Variants in DPP6 observed in about 807,000 individuals in gnomAD.
DPP6 encodes A-type potassium channel modulatory protein DPP6.
Under a neutral mutation model 122.6 loss-of-function variants are expected in DPP6, and 69 were observed. That is an observed-to-expected ratio of 0.56 (90% CI 0.46 to 0.69). The LOEUF (loss-of-function observed/expected upper bound fraction) is 0.69, where lower values mean the gene tolerates loss of function less well. Ranked by LOEUF, DPP6 falls within the 30% of genes least tolerant of loss-of-function variation. DPP6 has a pLI of 0.00. For missense variants in DPP6, 928 were observed against 1,116.9 expected (o/e 0.83, Z 2.41); for synonymous variants, 418 against 433.1 (o/e 0.97, Z 0.43).
chr7:154,352,280 A>T (rs1810925349), intron 1 of DPP6, among the ~76,000 whole-genome samples: 3 of 151,958 alleles, frequency 2.0e-5, no homozygotes, highest in African/African-American at 7.2e-5. Flanking sequence ...TGGCTAACAC[A>T]GTGAGACATC....
intron 17 of DPP6, among the ~76,000 whole-genome samples, chr7:154,855,961 C>T (rs1287788315): frequency 1.3e-5 from 2 of 152,032 alleles, no homozygotes; most frequent in Non-Finnish European, 2.9e-5. Context: ...ATAAGGTGTC[C>T]AATGGAGCTC....
chr7:153,848,110 C>T, the DPP6 span, among the ~76,000 whole-genome samples: 1 of 152,222 alleles, frequency 6.6e-6, no homozygotes, highest in Non-Finnish European at 1.5e-5. Context: ...GCCACTCAGA[C>T]ATCAAGGATG....
intron 8 of DPP6, among the ~76,000 whole-genome samples, chr7:154,733,475 ATC>A (rs1350540818): frequency 1.3e-5 from 2 of 152,236 alleles, no homozygotes; most frequent in Non-Finnish European, 2.9e-5. Context: ...TTCTCAAAGC[ATC>A]TTTAAAGAGT....
At chr7:154,740,992 G>A (rs1340289360) in intron 8 of DPP6, among the ~76,000 whole-genome samples, 1 of 152,158 alleles carries the variant, frequency 6.6e-6, no homozygotes, top group African/African-American at 2.4e-5. Context: ...TCTTTGGGAA[G>A]GTGTAAGGGA....
intron 1 of DPP6, among the ~76,000 whole-genome samples, chr7:154,397,580 C>T (rs1235752614): frequency 6.6e-6 from 1 of 152,116 alleles, no homozygotes; most frequent in African/African-American, 2.4e-5. Context: ...GTGAATGACC[C>T]ACAATAAATC....
intron 5 of DPP6, among the ~76,000 whole-genome samples, chr7:154,586,461 G>T (rs1244917161): frequency 1.3e-5 from 2 of 152,054 alleles, no homozygotes; most frequent in African/African-American, 4.8e-5. Context: ...GGAGAAATTT[G>T]CTGGAGGGCC....
intron 1 of DPP6, among the ~76,000 whole-genome samples, chr7:154,075,488 T>G (rs1396775323): frequency 6.6e-6 from 1 of 152,182 alleles, no homozygotes; most frequent in Non-Finnish European, 1.5e-5. Flanking sequence ...AAGAAATGAA[T>G]GAAATAATGG....
the DPP6 span, among the ~76,000 whole-genome samples, chr7:153,759,969 G>GTC: frequency 6.8e-6 from 1 of 146,846 alleles, no homozygotes; most frequent in African/African-American, 2.6e-5. Flanking sequence ...CTCTGTTTCT[G>GTC]TATCTCTCTC....
intron 1 of DPP6, among the ~76,000 whole-genome samples, chr7:154,307,879 T>A (rs202046806): frequency 2.7e-5 from 4 of 149,766 alleles, no homozygotes; most frequent in East Asian, 2.0e-4. Context: ...TTTTTTTTTT[T>A]AATTTATTTT....
chr7:154,302,329 T>C (rs983763495), intron 1 of DPP6, among the ~76,000 whole-genome samples: 6 of 152,182 alleles, frequency 3.9e-5, no homozygotes, highest in Admixed American at 3.9e-4. Context: ...TTCCTCCAGG[T>C]TCATTCATGC....
chr7:154,102,323 G>T (rs1356163362), intron 1 of DPP6, among the ~76,000 whole-genome samples: 2 of 152,070 alleles, frequency 1.3e-5, no homozygotes, highest in Admixed American at 1.3e-4. Context: ...CTGAGTAGCT[G>T]GGATTACAGG....
intron 3 of DPP6, among the ~76,000 whole-genome samples, chr7:154,508,361 G>T (rs1563778784): frequency 6.6e-6 from 1 of 152,086 alleles, no homozygotes; most frequent in Non-Finnish European, 1.5e-5. Context: ...AGTCCTTCAG[G>T]GACTGGGGTT....
intron 8 of DPP6, among the ~76,000 whole-genome samples, chr7:154,747,091 T>C (rs1843069281): frequency 6.6e-6 from 1 of 152,166 alleles, no homozygotes; most frequent in Admixed American, 6.5e-5. Flanking sequence ...GAAAATAACA[T>C]GGAGACCTCA....
At chr7:153,768,187 A>G in the DPP6 span, among the ~76,000 whole-genome samples, 1 of 148,206 alleles carries the variant, frequency 6.7e-6, no homozygotes, top group East Asian at 2.0e-4. Context: ...GTGGAAAGGG[A>G]ATTTTTAATT....
At chr7:154,124,356 G>A (rs967371165) in intron 1 of DPP6, among the ~76,000 whole-genome samples, 4 of 152,076 alleles carry the variant, frequency 2.6e-5, no homozygotes, top group African/African-American at 7.2e-5. Flanking sequence ...GGAGGAGGGT[G>A]AGAGCATGAG....
the DPP6 span, among the ~76,000 whole-genome samples, chr7:153,878,228 T>G: frequency 2.0e-5 from 3 of 152,300 alleles, no homozygotes; most frequent in Admixed American, 2.0e-4. Context: ...AATACACACA[T>G]TCTAATAAAT....
At chr7:154,443,532 A>AG (rs1819572127) in intron 1 of DPP6, among the ~76,000 whole-genome samples, 2 of 101,594 alleles carry the variant, frequency 2.0e-5, no homozygotes, top group African/African-American at 6.4e-5. Flanking sequence ...GGATGGATGG[A>AG]TGGATGGATG....
chr7:154,708,504 T>C (rs1399247964), intron 7 of DPP6, among the ~76,000 whole-genome samples: 1 of 152,174 alleles, frequency 6.6e-6, no homozygotes, highest in African/African-American at 2.4e-5. Flanking sequence ...ATTTGTACAG[T>C]TCTTTGATCG....
chr7:154,387,693 A>T (rs184339208), intron 1 of DPP6, among the ~76,000 whole-genome samples: 2,076 of 152,038 alleles, frequency 0.014, 19 homozygotes, highest in Middle Eastern at 0.031. Flanking sequence ...CCTCCCCCCA[A>T]CCGAGCCCCA....
Sources: gnomAD v4.1 joint callset for allele counts (sites outside exome capture counted in the v4.1 genomes callset) on GRCh38, gnomAD v4.1.1 for gene constraint, MANE v1.5 for transcripts, NCBI Gene and HGNC (gene_info 2026-07-23, HGNC 2026-07-21) for gene names.